Variants in GRM4 observed in about 807,000 individuals in gnomAD.
GRM4 encodes the protein glutamate metabotropic receptor 4.
A neutral mutation model predicts 81.7 loss-of-function variants in GRM4; 28 were observed. The ratio of observed to expected loss-of-function variants is 0.34; its 90% CI spans 0.25 to 0.47. The LOEUF is 0.47. GRM4 is among the 20% of genes least tolerant of loss of function. The pLI is 1.00. For missense variants in GRM4, 948 were observed against 1,290.0 expected (o/e 0.73, Z 4.06); for synonymous variants, 488 against 528.8 (o/e 0.92, Z 1.06).
At chr6:34,032,475 G>T (rs1764484858) in intron 9 of GRM4, among the ~76,000 whole-genome samples, 1 of 152,246 alleles carries the variant, frequency 6.6e-6, no homozygotes, top group Admixed American at 6.5e-5. Flanking sequence ...TCTCTAAGAA[G>T]CCTGGTAGTC....
At chr6:34,127,203 G>A (rs113627597) in intron 2 of GRM4, among the ~76,000 whole-genome samples, 101 of 152,254 alleles carry the variant, frequency 6.6e-4, no homozygotes, top group African/African-American at 2.3e-3. Flanking sequence ...TGTGATGAGC[G>A]CCATCAAGGA....
rs1315548024 is a variant in GRM4, at chr6:34,097,593, G to A, written c.520-5494C>T. Among the ~76,000 whole-genome samples the A allele has an allele frequency of 3.3e-5, 5 of 152,198 alleles. No individual in the cohort carries two copies. The East Asian group carries it at 9.6e-4, about 29-fold the overall frequency. The stretch of plus-strand genomic sequence containing the variant: ...TAGCACACGGGTGGTGACCCAGAAC[G>A]CCCACAGCTCCAGCTCTGGGTAACT... On this transcript the variant is annotated intron_variant, in intron 2 of 10. Coordinates refer to ENST00000538487, the MANE Select transcript of GRM4 (RefSeq NM_000841.4).
chr6:34,039,908 C>T (rs1437268435), intron 8 of GRM4, among the ~76,000 whole-genome samples: 1 of 152,082 alleles, frequency 6.6e-6, no homozygotes, highest in Non-Finnish European at 1.5e-5. Context: ...CCATCCCCTC[C>T]TCAGTGGGTA....
chr6:34,099,927 C>A, intron 2 of GRM4: 1 of 348,026 alleles, frequency 2.9e-6, no homozygotes, highest in Non-Finnish European at 4.0e-6. Context: ...CCAGAGCCAT[C>A]TGGGGAGCAC....
At chr6:34,150,255 C>T (rs924970265), upstream of GRM4, among the ~76,000 whole-genome samples, 2 of 152,190 alleles carry the variant, frequency 1.3e-5, no homozygotes, top group African/African-American at 2.4e-5. Context: ...TGGATCTGAA[C>T]ACAGCTCTGC....
intron 1 of GRM4, among the ~76,000 whole-genome samples, chr6:34,137,201 C>G (rs1011020750): frequency 6.6e-6 from 1 of 152,232 alleles, no homozygotes; most frequent in Non-Finnish European, 1.5e-5. Flanking sequence ...CCTCTTCCCC[C>G]TTTCCTTTCC....
At chr6:34,141,673 G>A (rs771903321) in intron 1 of GRM4, among the ~76,000 whole-genome samples, 7 of 151,242 alleles carry the variant, frequency 4.6e-5, no homozygotes, top group Non-Finnish European at 8.9e-5. Flanking sequence ...TCTCGGGCCT[G>A]CAGTCGAGGG....
chr6:34,078,941 A>G lies in GRM4; in HGVS notation c.736+12942T>C, dbSNP rs1167442858. ...AGGGAGAGAGGAAAGGACGGTCACA[A>G]CGGGAGGCTGAGAGAGGCCCAGGCG... On this transcript the variant is annotated intron_variant, in intron 3 of 10. Coordinates refer to ENST00000538487, the MANE Select transcript of GRM4 (RefSeq NM_000841.4). The surrounding 1 kb of genome is among the most constrained non-coding windows in gnomAD (Gnocchi z 4.8). Among the ~76,000 whole-genome samples the G allele has an allele frequency of 6.6e-6, 1 of 152,178 alleles. No homozygotes were observed. Among genetic ancestry groups the G allele is most frequent in the Non-Finnish European group, 1.5e-5 (1 of 68,022 alleles).
intron 2 of GRM4, among the ~76,000 whole-genome samples, chr6:34,131,939 C>G (rs910807721): frequency 2.6e-5 from 4 of 151,842 alleles, no homozygotes; most frequent in African/African-American, 9.7e-5. Flanking sequence ...CTCCTCCCCT[C>G]CCTACACACA....
At position 34,059,116 on chromosome 6, in the gene GRM4, C is replaced by T; in HGVS notation, c.885G>A (p.Glu295=). The change falls in exon 5 of 11, where the codon GAG becomes GAA. Residue 295 remains glutamate, a synonymous_variant. Coordinates refer to ENST00000538487, the MANE Select transcript of GRM4 (RefSeq NM_000841.4). The surrounding 1 kb of genome is among the most constrained non-coding windows in gnomAD (Gnocchi z 5.7). ...CTGTCTGGTTGGCCCTTCGTGCTGCCTCCAGCACACGCCTGTAGGAACATA... is the reference window on the plus strand; with the variant it reads ...CTGTCTGGTTGGCCCTTCGTGCTGCTTCCAGCACACGCCTGTAGGAACATA... ...ANEDDIRRVL[E]AARRANQTGH... 1 of 1,613,606 alleles carries T rather than the reference C, an allele frequency of 6.2e-7. No individual in the cohort carries two copies. Among genetic ancestry groups the T allele is most frequent in the Non-Finnish European group, 8.5e-7 (1 of 1,179,932 alleles).
At chr6:34,043,374 C>T (rs1765108488) in intron 6 of GRM4, among the ~76,000 whole-genome samples, 1 of 152,178 alleles carries the variant, frequency 6.6e-6, no homozygotes, top group Admixed American at 6.5e-5. Context: ...AAGGCTGGGA[C>T]AGTGTCGCCT....
chr6:34,025,533 C>G (rs1309999140), intron 10 of GRM4, among the ~76,000 whole-genome samples: 4 of 152,148 alleles, frequency 2.6e-5, no homozygotes, highest in Non-Finnish European at 5.9e-5. Flanking sequence ...CCTCTAATGC[C>G]CTACCTGTCT....
chr6:34,076,245 C>G (rs1345336674), intron 3 of GRM4, among the ~76,000 whole-genome samples: 3 of 152,372 alleles, frequency 2.0e-5, no homozygotes, highest in Admixed American at 6.5e-5. Context: ...TGTCTCCCTG[C>G]CAGAGGCAGG....
chr6:34,095,832 G>A (rs932998505), intron 2 of GRM4, among the ~76,000 whole-genome samples: 4 of 152,182 alleles, frequency 2.6e-5, no homozygotes, highest in East Asian at 1.9e-4. Context: ...TGGAGGGATC[G>A]GGGGCAGGAG....
chr6:34,038,149 T>C (rs1764814176), intron 8 of GRM4, among the ~76,000 whole-genome samples: 1 of 152,204 alleles, frequency 6.6e-6, no homozygotes, highest in African/African-American at 2.4e-5. Flanking sequence ...CGGAAAACTC[T>C]GTGATTCAGA....
At chr6:34,023,236 C>T (rs1310113028) in intron 10 of GRM4, among the ~76,000 whole-genome samples, 15 of 152,224 alleles carry the variant, frequency 9.9e-5, no homozygotes, top group Non-Finnish European at 7.3e-5. Context: ...CTCCCCAGCA[C>T]GGGGCCCCTG....
chr6:34,044,537 TACAG>T (rs1297490864), intron 6 of GRM4, among the ~76,000 whole-genome samples: 13 of 129,562 alleles, frequency 1.0e-4, no homozygotes, highest in Admixed American at 3.0e-4. Flanking sequence ...TACACATATA[TACAG>T]ACACACACAC....
At chr6:34,063,304 G>A (rs1206909514) in intron 3 of GRM4, 1 of 152,470 alleles carries the variant, frequency 6.6e-6, no homozygotes, top group East Asian at 1.9e-4. Context: ...AGCCCCACAG[G>A]GCAGTGCCAG....
intron 10 of GRM4, among the ~76,000 whole-genome samples, chr6:34,023,816 A>G (rs536014105): frequency 6.6e-6 from 1 of 152,260 alleles, no homozygotes; most frequent in South Asian, 2.1e-4. Context: ...TGAGGAACTG[A>G]GGCCAGAGGG....
Sources: gnomAD v4.1 joint callset for allele counts (sites outside exome capture counted in the v4.1 genomes callset) on GRCh38, gnomAD v4.1.1 for gene constraint, Gnocchi (gnomAD v3.1) non-coding constraint, MANE v1.5 for transcripts, NCBI Gene and HGNC (gene_info 2026-07-23, HGNC 2026-07-21) for gene names.